Variants in SF3B3 observed in about 807,000 individuals in gnomAD.
SF3B3 encodes SAP 130.
Under a neutral mutation model 139.2 loss-of-function variants are expected in SF3B3, and 33 were observed. The observed-to-expected ratio is 0.24, with a 90% CI of 0.18 to 0.32. The LOEUF is 0.32. Ranked by LOEUF, SF3B3 falls within the 10% of genes least tolerant of loss-of-function variation. SF3B3 has a pLI of 1.00. For missense variants in SF3B3, 818 were observed against 1,509.4 expected (o/e 0.54, Z 7.59); for synonymous variants, 596 against 563.6 (o/e 1.06, Z -0.81).
intron 4 of SF3B3, 111 bp from the exon 5 acceptor site, chr16:70,532,364 AAAAG>A: frequency 1.2e-6 from 1 of 825,956 alleles, no homozygotes; most frequent in Non-Finnish European, 1.8e-6. Flanking sequence ...CTCCAAAAAA[AAAAG>A]AAGACATTTG....
At chr16:70,563,496 C>T (rs548941200) in intron 17 of SF3B3, among the ~76,000 whole-genome samples, 15 of 152,228 alleles carry the variant, frequency 9.9e-5, no homozygotes, top group Admixed American at 3.3e-4. Flanking sequence ...AAGGTATCCA[C>T]TTTATTTTAT....
At chr16:70,530,674 C>T in intron 3 of SF3B3, 71 bp from the exon 4 acceptor site, 6 of 1,240,772 alleles carry the variant, frequency 4.8e-6, no homozygotes, top group Non-Finnish European at 5.7e-6. Context: ...CATGATGTGA[C>T]TCTAGCTGTT....
In SF3B3 at chr16:70,554,822, G is replaced by A. The variant is rs192785009; in HGVS notation, c.1554+225G>A. On this transcript the variant is annotated intron_variant, in intron 12 of 25. Coordinates refer to ENST00000302516, the MANE Select transcript of SF3B3 (RefSeq NM_012426.5). The stretch of plus-strand genomic sequence containing the variant: ...ATCTCTAATAAAGATCTTTATAAGT[G>A]TTTTGTTAATAAGCTTTGAACTTCT... Among the ~76,000 whole-genome samples the A allele has an allele frequency of 4.0e-3, 616 of 152,320 alleles. 1 individual carries two copies. The highest frequency in any genetic ancestry group is 7.7e-3 in the Non-Finnish European group (522 of 68,026).
intron 8 of SF3B3, among the ~76,000 whole-genome samples, chr16:70,540,341 C>T (rs746077785): frequency 1.3e-5 from 2 of 151,624 alleles, no homozygotes; most frequent in Admixed American, 6.6e-5. Flanking sequence ...GGACTACAGG[C>T]GTGTGCCACC....
chr16:70,564,651 C>G (rs1169532474), intron 18 of SF3B3, among the ~76,000 whole-genome samples: 1 of 152,188 alleles, frequency 6.6e-6, no homozygotes, highest in Non-Finnish European at 1.5e-5. Context: ...TTCTAGAACT[C>G]ATTGCCTAGC....
chr16:70,567,597 G>A lies in SF3B3; in HGVS notation c.2952+61G>A, dbSNP rs146895576. 1.1e-4 allele frequency: 174 copies of A among 1,548,430 alleles called. No individual in the cohort carries two copies. In the African/African-American group the frequency reaches 2.2e-3, roughly 19 times the overall value. ...ATGTGTCAAGGGTGGGGGCATTGGT[G>A]GGGTGGTGGGCATTGAGTTTTAAAA... On this transcript the variant is annotated intron_variant, in intron 21 of 25. Transcript: ENST00000302516.
At chr16:70,541,473 C>G (rs999316279) in intron 8 of SF3B3, among the ~76,000 whole-genome samples, 196 bp from the exon 9 acceptor site, 1 of 152,172 alleles carries the variant, frequency 6.6e-6, no homozygotes, top group African/African-American at 2.4e-5. Flanking sequence ...AAATAAAATA[C>G]TCACTGCACT....
At chr16:70,538,142 A>T in intron 6 of SF3B3, 181 bp from the exon 7 acceptor site, 1 of 733,752 alleles carries the variant, frequency 1.4e-6, no homozygotes, top group East Asian at 2.6e-5. Flanking sequence ...ATTTTATTAG[A>T]TATTTATATT....
intron 11 of SF3B3, among the ~76,000 whole-genome samples, chr16:70,550,941 G>A (rs2050319349): frequency 6.6e-6 from 1 of 152,226 alleles, no homozygotes; most frequent in Non-Finnish European, 1.5e-5. Flanking sequence ...TCTCTAGCTA[G>A]AGAACTTTAG....
chr16:70,539,643 A>G (rs1279482242), intron 8 of SF3B3, among the ~76,000 whole-genome samples: 1 of 152,006 alleles, frequency 6.6e-6, no homozygotes, highest in Non-Finnish European at 1.5e-5. Context: ...AGTTTGTTCT[A>G]TCCTTGTAGA....
chr16:70,555,477 C>CAAAAAAAAAAA (rs33955800), intron 13 of SF3B3, among the ~76,000 whole-genome samples: 1 of 73,114 alleles, frequency 1.4e-5, no homozygotes, highest in Non-Finnish European at 2.6e-5. Flanking sequence ...GACTCCGTCT[C>CAAAAAAAAAAA]AAAAAAAAAA....
At chr16:70,571,359 A>C (rs575652955) in intron 25 of SF3B3, among the ~76,000 whole-genome samples, 160 bp downstream of exon 25, 1 of 152,332 alleles carries the variant, frequency 6.6e-6, no homozygotes, top group African/African-American at 2.4e-5. Flanking sequence ...TCTGAGTACC[A>C]AGAGTCAACT....
Position 70,529,159 on chromosome 16 carries a change from G to C in SF3B3, c.357G>C (p.Gln119His), listed in dbSNP as rs761101151. 6.2e-7 allele frequency: 1 copy of C among 1,613,984 alleles called. No individual in the cohort carries two copies. The highest frequency in any genetic ancestry group is 1.1e-5 in the South Asian group (1 of 91,062). Residue 119 changes from glutamine (Q) to histidine (H), a missense_variant, in exon 3 of 26, where the codon CAG becomes CAC. Around this residue, in one of 14 missense-constraint regions of SF3B3, gnomAD observed 144 missense variants for 259.2 expected, o/e 0.56. Coordinates refer to ENST00000302516, the MANE Select transcript of SF3B3 (RefSeq NM_012426.5). ...KSGCRRIVPG[Q>H]FLAVDPKGRA... ...GATGCCGTCGCATCGTTCCTGGCCA[G>C]TTCTTAGCTGTGGATCCCAAAGGGC...
chr16:70,529,538 C>T, intron 3 of SF3B3: 1 of 254,972 alleles, frequency 3.9e-6, no homozygotes, highest in Non-Finnish European at 7.6e-6. Context: ...ACATTCATGT[C>T]TCTTCTCTGA....
chr16:70,555,876 G>A (rs4985533), intron 13 of SF3B3, among the ~76,000 whole-genome samples: 94,759 of 152,050 alleles, frequency 0.62, 32,186 homozygotes, highest in African/African-American at 0.91. Flanking sequence ...AGTTTTATAT[G>A]TCTCCATTTC....
intron 1 of SF3B3, 175 bp downstream of exon 1, chr16:70,524,103 C>G (rs2050022079): frequency 2.6e-6 from 1 of 386,726 alleles, no homozygotes; most frequent in Middle Eastern, 6.5e-4. Flanking sequence ...GCAGTTATCT[C>G]TCGCTTCCAT....
chr16:70,567,630 T>C lies in SF3B3; in HGVS notation c.2952+94T>C. On this transcript the variant is annotated intron_variant, in intron 21 of 25. Coordinates refer to ENST00000302516, the MANE Select transcript of SF3B3 (RefSeq NM_012426.5). Reference sequence around the variant, plus strand: ...GGGCATTGAGTTTTAAAATCTTATCTTTATTAGGACTTGTTGTGTTACCCC... The same window carrying C: ...GGGCATTGAGTTTTAAAATCTTATCCTTATTAGGACTTGTTGTGTTACCCC... 3.5e-6 allele frequency: 5 copies of C among 1,411,844 alleles called. No individual in the cohort carries two copies. The South Asian group carries it at 4.2e-5, about 12-fold the overall frequency. 87.5% of individuals were successfully genotyped at this position (1,411,844 alleles called of 1,614,324 possible).
At chr16:70,569,622 A>G (rs2050509501) in intron 23 of SF3B3, among the ~76,000 whole-genome samples, 1 of 152,142 alleles carries the variant, frequency 6.6e-6, no homozygotes, top group African/African-American at 2.4e-5. Flanking sequence ...AGGGTTTAAT[A>G]ATTTTTGGAT....
rs2050378125 is a variant in SF3B3, at chr16:70,556,153, A to G, written c.1711-26A>G. On this transcript the variant is annotated intron_variant, in intron 13 of 25. Coordinates refer to ENST00000302516, the MANE Select transcript of SF3B3 (RefSeq NM_012426.5). Reference sequence around the variant, plus strand: ...CTAGACCCATCCCTCTGTAGTTTTGACCTTGCTGTGTCTTTCCTCCTGTAG... The same window carrying G: ...CTAGACCCATCCCTCTGTAGTTTTGGCCTTGCTGTGTCTTTCCTCCTGTAG... 5 of 1,613,554 alleles carry G rather than the reference A, an allele frequency of 3.1e-6. No individual in the cohort carries two copies. In the South Asian group the frequency reaches 4.4e-5, roughly 14 times the overall value.
Sources: allele counts gnomAD v4.1 joint callset (sites outside exome capture counted in the v4.1 genomes callset), GRCh38; gene constraint gnomAD v4.1.1; regional missense constraint gnomAD v4.1.1; transcripts MANE v1.5; gene names NCBI Gene and HGNC (gene_info 2026-07-23, HGNC 2026-07-21).